Variants in RBX1 observed in about 807,000 individuals in gnomAD.
The protein encoded by RBX1 is ring-box 1.
For missense variants in RBX1, 46 were observed against 141.4 expected, an observed-to-expected ratio of 0.33 and a Z score of 3.42; for synonymous variants, 48 against 47.9, an observed-to-expected ratio of 1.00 and a Z score of -0.01.
At chr22:40,960,070 T>G (rs976155258) in intron 2 of RBX1, among the ~76,000 whole-genome samples, 1 of 151,992 alleles carries the variant, frequency 6.6e-6, no homozygotes, top group Non-Finnish European at 1.5e-5. Flanking sequence ...GTGTGGAGAT[T>G]GTGCCACTGC....
At chr22:40,957,499 A>G (rs1215068777) in intron 2 of RBX1, among the ~76,000 whole-genome samples, 1 of 147,918 alleles carries the variant, frequency 6.8e-6, no homozygotes, top group African/African-American at 2.5e-5. Context: ...TTAGCCAGGC[A>G]TGGTGGCTTA....
chr22:40,969,559 G>C (rs573352014), intron 4 of RBX1, among the ~76,000 whole-genome samples: 2 of 152,028 alleles, frequency 1.3e-5, no homozygotes, highest in African/African-American at 4.8e-5. Flanking sequence ...AGACCAGCCT[G>C]GTAACATGTT....
chr22:40,959,118 G>A (rs917505263), intron 2 of RBX1, among the ~76,000 whole-genome samples: 8 of 152,100 alleles, frequency 5.3e-5, no homozygotes, highest in Admixed American at 2.0e-4. Flanking sequence ...GCCCGGCCCC[G>A]TCAGTGTTTT....
chr22:40,963,886 CAGAA>C lies in RBX1; in HGVS notation c.158-158_158-155del, dbSNP rs551081441. 4.6e-5 allele frequency among the ~76,000 whole-genome samples: 7 copies of C among 152,204 alleles called. No homozygotes were observed. The South Asian group carries it at 1.4e-3, about 31-fold the overall frequency. ...TTTTTAAACAAGGATAGGAAATCGT[CAGAA>C]AGCATACTGTTATCTCTGTCTTCTC... is the stretch of plus-strand genomic sequence containing the variant. On this transcript the variant is annotated intron_variant, in intron 2 of 4. Coordinates refer to ENST00000216225, the MANE Select transcript of RBX1 (RefSeq NM_014248.4).
chr22:40,964,414 G>T, intron 3 of RBX1: 1 of 273,382 alleles, frequency 3.7e-6, no homozygotes, highest in Non-Finnish European at 7.1e-6. Context: ...TGCACCCTTT[G>T]GAATATTCTC....
chr22:40,966,214 C>T (rs924402461), intron 3 of RBX1: 3 of 152,242 alleles, frequency 2.0e-5, no homozygotes, highest in African/African-American at 7.2e-5. Context: ...CTGTCAAGTA[C>T]TATAAATTTA....
intron 4 of RBX1, among the ~76,000 whole-genome samples, chr22:40,968,085 CTTTTTTT>C (rs938566744): frequency 6.9e-4 from 77 of 111,204 alleles, no homozygotes; most frequent in Non-Finnish European, 2.7e-4. Context: ...GTTTCCCAAC[CTTTTTTT>C]TTTTTTTTTT....
chr22:40,953,380 A>G (rs2058316615), intron 1 of RBX1, among the ~76,000 whole-genome samples, 175 bp from the exon 2 acceptor site: 1 of 152,216 alleles, frequency 6.6e-6, no homozygotes, highest in Non-Finnish European at 1.5e-5. Flanking sequence ...AATAGAACAT[A>G]CGTGTAGTCT....
intron 2 of RBX1, among the ~76,000 whole-genome samples, chr22:40,962,859 ATTT>A (rs756486745): frequency 8.1e-6 from 1 of 123,014 alleles, no homozygotes; most frequent in Admixed American, 8.2e-5. Flanking sequence ...CGCCCAGCTA[ATTT>A]TTTTTTTTTT....
Position 40,962,887 on chromosome 22 carries a change from G to T in RBX1, c.158-1160G>T, listed in dbSNP as rs59870929. Among the ~76,000 whole-genome samples the T allele has an allele frequency of 8.3e-3, 1,198 of 144,880 alleles. 16 individuals are homozygous for T. Among genetic ancestry groups the T allele is most frequent in the African/African-American group, 0.03 (1,147 of 38,856 alleles). On this transcript the variant is annotated intron_variant, in intron 2 of 4. Transcript: ENST00000216225. ...TTTTTTTTTTTTTTTTAGTAGAGAC[G>T]GTGTTTCACTATGTTGGCCAGGATG... is the stretch of plus-strand genomic sequence containing the variant.
intron 2 of RBX1, among the ~76,000 whole-genome samples, chr22:40,960,117 A>G (rs1054304809): frequency 6.6e-6 from 1 of 152,150 alleles, no homozygotes; most frequent in African/African-American, 2.4e-5. Context: ...CTGTCTAAAA[A>G]AAAAAGAATG....
intron 4 of RBX1, among the ~76,000 whole-genome samples, chr22:40,970,096 C>G (rs991764020): frequency 6.7e-6 from 1 of 149,834 alleles, no homozygotes; most frequent in African/African-American, 2.4e-5. Flanking sequence ...TTGCTCACAC[C>G]TGTCATCCTA....
At chr22:40,955,646 C>T (rs1006027042) in intron 2 of RBX1, among the ~76,000 whole-genome samples, 1 of 152,192 alleles carries the variant, frequency 6.6e-6, no homozygotes, top group African/African-American at 2.4e-5. Context: ...TGGTTAATAA[C>T]TACTTTATTG....
chr22:40,963,972 A>G, intron 2 of RBX1, 75 bp from the exon 3 acceptor site: 1 of 1,078,880 alleles, frequency 9.3e-7, no homozygotes, highest in South Asian at 1.3e-5. Flanking sequence ...ACCACTTGAG[A>G]ATTGTTTTGG....
At position 40,970,058 on chromosome 22, in the gene RBX1, A is replaced by C. The variant is rs866338069; in HGVS notation, c.314+2174A>C. On this transcript the variant is annotated intron_variant, in intron 4 of 4. Transcript: ENST00000216225. The stretch of plus-strand genomic sequence containing the variant: ...CCTAGGTAATAGACCCAATTTAAAA[A>C]AAAAAAAAAAAAAAAGCCCAGGTGT... Among the ~76,000 whole-genome samples, 368 of 150,588 alleles carry C rather than the reference A, an allele frequency of 2.4e-3. 2 individuals carry two copies. The Middle Eastern group carries it at 0.048, about 20-fold the overall frequency.
intron 4 of RBX1, among the ~76,000 whole-genome samples, chr22:40,970,584 A>C (rs1276458877): frequency 6.6e-6 from 1 of 152,086 alleles, no homozygotes; most frequent in Non-Finnish European, 1.5e-5. Flanking sequence ...GCAATTGTTC[A>C]TGTTTTTATA....
At chr22:40,968,375 G>A (rs1240531902) in intron 4 of RBX1, among the ~76,000 whole-genome samples, 1 of 152,126 alleles carries the variant, frequency 6.6e-6, no homozygotes, top group African/African-American at 2.4e-5. Context: ...ACAGGTGTGA[G>A]CCACCGTGCC....
Position 40,972,530 on chromosome 22 carries a change from T to C in RBX1, c.*42T>C. On this transcript the variant is annotated 3_prime_UTR_variant, in exon 5 of 5. Transcript: ENST00000216225. ...TCAAGCTTAATTGTTTTGTTATTCA[T>C]TTAATGACTTTCCCTGCTGTTACCT... The C allele has an allele frequency of 6.5e-7, 1 of 1,531,784 alleles. No homozygotes were observed. Among genetic ancestry groups the C allele is most frequent in the Non-Finnish European group, 9.0e-7 (1 of 1,105,704 alleles). 94.9% of individuals were successfully genotyped at this position (1,531,784 alleles called of 1,614,324 possible).
At chr22:40,960,815 G>A (rs1483483278) in intron 2 of RBX1, among the ~76,000 whole-genome samples, 1 of 152,110 alleles carries the variant, frequency 6.6e-6, no homozygotes, top group African/African-American at 2.4e-5. Flanking sequence ...GTAGAGTGCA[G>A]TGGCGCGATC....
Sources: gnomAD v4.1 joint callset for allele counts (sites outside exome capture counted in the v4.1 genomes callset) on GRCh38, gnomAD v4.1.1 for gene constraint, MANE v1.5 for transcripts, NCBI Gene and HGNC (gene_info 2026-07-23, HGNC 2026-07-21) for gene names.